Variants in SHOC1 observed in about 807,000 individuals in gnomAD.
SHOC1 encodes the protein protein shortage in chiasmata 1 ortholog.
In SHOC1, 136 loss-of-function variants were observed where a neutral mutation model predicts 179.2. That is an observed-to-expected ratio of 0.76 (90% CI 0.66 to 0.87). The LOEUF (loss-of-function observed/expected upper bound fraction) is 0.87, where lower values mean the gene tolerates loss of function less well. Among genes scored for constraint, SHOC1 ranks in the 40% least tolerant of loss-of-function variants. The pLI is 0.00. For missense variants in SHOC1, 1,538 were observed against 1,700.8 expected (o/e 0.90, Z 1.68); for synonymous variants, 489 against 586.6 (o/e 0.83, Z 2.41).
chr9:111,689,493 G>A (rs1394993906), intron 27 of SHOC1, among the ~76,000 whole-genome samples: 3 of 151,736 alleles, frequency 2.0e-5, no homozygotes, highest in Non-Finnish European at 4.4e-5. Context: ...TGAGGTTATG[G>A]GTTATGCTAA....
At chr9:111,722,688 G>A in intron 14 of SHOC1, 103 bp from the exon 15 acceptor site, 2 of 872,908 alleles carry the variant, frequency 2.3e-6, no homozygotes, top group South Asian at 2.1e-5. Context: ...ACTTCTATCT[G>A]AATTATTTTC....
chr9:111,692,141 G>A lies in SHOC1; in HGVS notation c.3836C>T (p.Pro1279Leu), dbSNP rs1258102335. ...PFLINIESRR[P>L]AYNSFLNHSD... ...GTGGTTTAGAAAGGAGTTATAAGCCGGTCTCCTTGATTCTATATTAATTAG... is the reference window on the plus strand; with the variant it reads ...GTGGTTTAGAAAGGAGTTATAAGCCAGTCTCCTTGATTCTATATTAATTAG... The change falls in exon 27 of 28, where the codon CCG (proline) becomes CTG (leucine). Residue 1279 changes from proline to leucine, a missense_variant. Transcript: ENST00000682961. The A allele has an allele frequency of 3.7e-6, 6 of 1,613,396 alleles. No homozygotes were observed. Among genetic ancestry groups the A allele is most frequent in the South Asian group, 2.2e-5 (2 of 91,018 alleles).
Position 111,694,279 on chromosome 9 carries a change from A to C in SHOC1, c.3267T>G (p.Asp1089Glu), listed in dbSNP as rs751835619. 1 of 1,611,906 alleles carries C rather than the reference A, an allele frequency of 6.2e-7. No individual in the cohort carries two copies. The highest frequency in any genetic ancestry group is 2.2e-5 in the East Asian group (1 of 44,766). The change falls in exon 25 of 28, where the codon GAT becomes GAG. Residue 1089 changes from aspartate to glutamate, a missense_variant. Transcript: ENST00000682961. ...AGGATTTATCCAACCATTCATGAGGATCTCTCTTTGAGGTCATTAAACTGT... is the reference window on the plus strand; with the variant it reads ...AGGATTTATCCAACCATTCATGAGGCTCTCTCTTTGAGGTCATTAAACTGT... Reference protein sequence around the residue: ...ADHSLMTSKRDPHEWLDKSWL... With the variant: ...ADHSLMTSKREPHEWLDKSWL...
chr9:111,727,625 T>C lies in SHOC1; in HGVS notation c.1834+8A>G, dbSNP rs778058049. 3 of 1,549,820 alleles carry C rather than the reference T, an allele frequency of 1.9e-6. No individual in the cohort carries two copies. The South Asian group carries it at 3.9e-5, about 20-fold the overall frequency. ...ATATCTACGGCAAAATATTATTAAA[T>C]TACTTACCATGTTTTTCATCACTGT... On this transcript the variant is annotated splice_region_variant and intron_variant, in intron 13 of 27. Transcript: ENST00000682961.
At chr9:111,752,025 C>T (rs1834613165) in intron 8 of SHOC1, among the ~76,000 whole-genome samples, 1 of 152,200 alleles carries the variant, frequency 6.6e-6, no homozygotes, top group Non-Finnish European at 1.5e-5. Flanking sequence ...GAAGGTACTA[C>T]AGTCTAAAGC....
chr9:111,722,862 C>T (rs946953792), intron 14 of SHOC1, among the ~76,000 whole-genome samples: 5 of 152,010 alleles, frequency 3.3e-5, no homozygotes, highest in African/African-American at 1.2e-4. Context: ...AGTGTAGTGG[C>T]GCCATCTCGG....
At chr9:111,759,972 T>C (rs1246413488) in intron 5 of SHOC1, among the ~76,000 whole-genome samples, 1 of 152,220 alleles carries the variant, frequency 6.6e-6, no homozygotes, top group Non-Finnish European at 1.5e-5. Flanking sequence ...AGGAAGTTAG[T>C]CAATCAATTC....
intron 9 of SHOC1, 59 bp downstream of exon 9, chr9:111,748,033 A>G (rs1240529306): frequency 2.7e-6 from 3 of 1,110,270 alleles, no homozygotes; most frequent in Non-Finnish European, 2.8e-6. Context: ...AATGTACTGT[A>G]CTTTTACATC....
intron 18 of SHOC1, 129 bp from the exon 19 acceptor site, chr9:111,708,053 G>A: frequency 2.0e-6 from 1 of 497,234 alleles, no homozygotes; most frequent in East Asian, 3.4e-5. Flanking sequence ...AATACAATTT[G>A]CTAGATTATT....
intron 10 of SHOC1, among the ~76,000 whole-genome samples, chr9:111,744,020 A>G (rs2131510591): frequency 6.6e-6 from 1 of 152,326 alleles, no homozygotes; most frequent in South Asian, 2.1e-4. Context: ...TCATTAGTTA[A>G]GATTTGTTTC....
At chr9:111,749,678 A>T (rs893307467) in intron 8 of SHOC1, among the ~76,000 whole-genome samples, 1 of 151,886 alleles carries the variant, frequency 6.6e-6, no homozygotes, top group Non-Finnish European at 1.5e-5. Context: ...CTCCCCCTAC[A>T]TCACCCCCGA....
rs762879164 is a variant in SHOC1 at position 111,756,522 on chromosome 9, A to C, written c.709-44T>G. ...AAAAAGTTTTTAGAGAGGCTTTCCA[A>C]ATAAATATTTTCGAAATCATAAGTG... On this transcript the variant is annotated intron_variant, in intron 7 of 27. Coordinates refer to ENST00000682961, the MANE Select transcript of SHOC1 (RefSeq NM_001378211.1). 3 of 1,537,756 alleles carry C rather than the reference A, an allele frequency of 2.0e-6. No individual in the cohort carries two copies. The South Asian group carries it at 3.7e-5, about 19-fold the overall frequency.
chr9:111,777,278 C>T (rs1204551943), intron 4 of SHOC1, among the ~76,000 whole-genome samples: 1 of 152,190 alleles, frequency 6.6e-6, no homozygotes, highest in Non-Finnish European at 1.5e-5. Flanking sequence ...CGCATGACTC[C>T]TAAACCAAAA....
intron 15 of SHOC1, among the ~76,000 whole-genome samples, chr9:111,718,943 C>T (rs1041746719): frequency 1.3e-5 from 2 of 152,130 alleles, no homozygotes; most frequent in African/African-American, 4.8e-5. Flanking sequence ...ACCAGAGAAG[C>T]TCTACTTTTC....
At chr9:111,690,180 T>C (rs1043988573) in intron 27 of SHOC1, among the ~76,000 whole-genome samples, 2 of 152,110 alleles carry the variant, frequency 1.3e-5, no homozygotes, top group South Asian at 2.1e-4. Context: ...TCCCAGCACA[T>C]TGGGAGGCCA....
chr9:111,765,449 G>T (rs948601053), intron 5 of SHOC1, among the ~76,000 whole-genome samples: 2 of 151,414 alleles, frequency 1.3e-5, no homozygotes, highest in Non-Finnish European at 2.9e-5. Flanking sequence ...AATACAATGG[G>T]TGTGGTGGCA....
chr9:111,788,800 G>A (rs1365742665), intron 2 of SHOC1, among the ~76,000 whole-genome samples: 1 of 152,112 alleles, frequency 6.6e-6, no homozygotes, highest in Non-Finnish European at 1.5e-5. Context: ...TTTCTTTAAA[G>A]GAATGTTAAA....
chr9:111,722,563 G>T lies in SHOC1; in HGVS notation c.1977C>A (p.Cys659Ter), dbSNP rs1480190879. ...TAGGAGAAGCTGCTGCTTCGAGGAG[G>T]CAAAATGCTTGGCACTGGCTATCTG... The part of the protein sequence containing the change: ...QASDSQCQAF[C>*]LLEAAASPIL... The change falls in exon 15 of 28, where the codon TGC becomes TGA. Residue 659 changes from cysteine (C) to a stop codon, truncating the protein, a stop_gained. Transcript: ENST00000682961. LOFTEE classifies it high-confidence loss of function. 6.2e-7 allele frequency: 1 copy of T among 1,603,766 alleles called. No individual in the cohort carries two copies. The highest frequency in any genetic ancestry group is 2.2e-5 in the East Asian group (1 of 44,558).
At chr9:111,714,682 G>A in intron 16 of SHOC1, 59 bp from the exon 17 acceptor site, 9 of 1,405,306 alleles carry the variant, frequency 6.4e-6, no homozygotes, top group African/African-American at 4.4e-5. Flanking sequence ...GAAACTCCGT[G>A]GTAAAAAAGG....
Sources: allele counts gnomAD v4.1 joint callset (sites outside exome capture counted in the v4.1 genomes callset), GRCh38; gene constraint gnomAD v4.1.1; transcripts MANE v1.5; gene names NCBI Gene and HGNC (gene_info 2026-07-23, HGNC 2026-07-21).